MTUS2: variants seen among roughly 807,000 people sequenced by gnomAD.
The protein encoded by MTUS2 is microtubule-associated tumor suppressor candidate 2.
A neutral mutation model predicts 114.1 loss-of-function variants in MTUS2; 40 were observed. The observed-to-expected ratio is 0.35, with a 90% CI of 0.27 to 0.46. The LOEUF is 0.46. MTUS2 is among the 20% of genes least tolerant of loss of function. The probability of loss-of-function intolerance (pLI) is 1.00; values close to 1 mark genes in which losing one functional copy is unlikely to be tolerated. For synonymous variants in MTUS2, 688 were observed against 672.0 expected (o/e 1.02, Z -0.37); for missense variants, 1,679 against 1,705.4 (o/e 0.98, Z 0.27).
intron 4 of MTUS2, among the ~76,000 whole-genome samples, chr13:29,068,722 A>G (rs1888775923): frequency 6.6e-6 from 1 of 152,178 alleles, no homozygotes; most frequent in Non-Finnish European, 1.5e-5. Context: ...ATGGCAGGAA[A>G]GGAAGAAAGG....
At chr13:28,955,933 A>T (rs1883039434) in intron 2 of MTUS2, among the ~76,000 whole-genome samples, 1 of 151,538 alleles carries the variant, frequency 6.6e-6, no homozygotes, top group African/African-American at 2.4e-5. Context: ...TCCAGAAGTT[A>T]TTGGGACACA....
intron 2 of MTUS2, among the ~76,000 whole-genome samples, chr13:28,923,969 A>C (rs1474358419): frequency 6.6e-6 from 1 of 151,958 alleles, no homozygotes; most frequent in East Asian, 1.9e-4. Flanking sequence ...GGAGGTTAAT[A>C]CTTTTTCCCA....
chr13:28,917,006 C>A (rs1345218830), intron 2 of MTUS2, among the ~76,000 whole-genome samples: 3 of 151,796 alleles, frequency 2.0e-5, no homozygotes, highest in African/African-American at 7.2e-5. Flanking sequence ...AATACATATT[C>A]AGTATCAATT....
intron 11 of MTUS2, among the ~76,000 whole-genome samples, chr13:29,488,418 G>A (rs568893163): frequency 1.3e-5 from 2 of 149,422 alleles, no homozygotes; most frequent in East Asian, 2.0e-4. Flanking sequence ...CATGGAAATC[G>A]TGCACTTTTT....
chr13:28,921,939 G>A (rs927598240), intron 2 of MTUS2, among the ~76,000 whole-genome samples: 2 of 152,182 alleles, frequency 1.3e-5, no homozygotes, highest in Non-Finnish European at 2.9e-5. Context: ...AACCTGGCTG[G>A]TTGGTGTCTC....
chr13:28,988,159 T>G (rs184372107), intron 2 of MTUS2, among the ~76,000 whole-genome samples: 1 of 152,334 alleles, frequency 6.6e-6, no homozygotes, highest in East Asian at 1.9e-4. Context: ...AGAATCCATG[T>G]GTAGGGAACT....
At chr13:29,325,483 AG>A (rs1900451658) in intron 7 of MTUS2, among the ~76,000 whole-genome samples, 1 of 107,450 alleles carries the variant, frequency 9.3e-6, no homozygotes, top group South Asian at 3.1e-4. Flanking sequence ...AAAGAAGAAG[AG>A]GAAGAGGGAG....
At chr13:29,367,528 G>A (rs1870817758) in intron 8 of MTUS2, among the ~76,000 whole-genome samples, 1 of 152,136 alleles carries the variant, frequency 6.6e-6, no homozygotes, top group Non-Finnish European at 1.5e-5. Flanking sequence ...GAGATGGATG[G>A]CAGCAAGAAA....
At chr13:29,216,340 C>T (rs1007094494) in intron 5 of MTUS2, among the ~76,000 whole-genome samples, 2 of 152,190 alleles carry the variant, frequency 1.3e-5, no homozygotes, top group Admixed American at 6.5e-5. Context: ...TGAGCAAGAC[C>T]ACTTGGCTCC....
rs1168951849 is a variant in MTUS2, at chr13:29,270,629, A to AC, written c.2645-11075_2645-11074insC. Reference sequence around the variant, plus strand: ...TCATCTCTCCCTATGGGGAGGAACAATGTGGACAGGCACGTGGGGCTGGTA... The same window carrying AC: ...TCATCTCTCCCTATGGGGAGGAACAACTGTGGACAGGCACGTGGGGCTGGTA... On this transcript the variant is annotated intron_variant, in intron 5 of 15. Transcript: ENST00000612955. Among the ~76,000 whole-genome samples the AC allele has an allele frequency of 2.6e-5, 4 of 152,326 alleles. No homozygotes were observed. The East Asian group carries it at 7.7e-4, about 29-fold the overall frequency.
intron 2 of MTUS2, among the ~76,000 whole-genome samples, chr13:28,908,022 C>CGT (rs1880157266): frequency 6.6e-6 from 1 of 151,366 alleles, no homozygotes; most frequent in Non-Finnish European, 1.5e-5. Flanking sequence ...GATGTTTAAT[C>CGT]GTGTTGTGTC....
chr13:28,931,213 T>C (rs968365272), intron 2 of MTUS2, among the ~76,000 whole-genome samples: 2 of 152,196 alleles, frequency 1.3e-5, no homozygotes, highest in African/African-American at 4.8e-5. Flanking sequence ...GTGGATTCAA[T>C]CAACCACCAA....
intron 6 of MTUS2, among the ~76,000 whole-genome samples, chr13:29,290,994 A>G (rs974397658): frequency 2.6e-5 from 4 of 152,218 alleles, no homozygotes; most frequent in African/African-American, 9.6e-5. Flanking sequence ...GTCTTGTTGC[A>G]GATGGTCACA....
intron 5 of MTUS2, among the ~76,000 whole-genome samples, chr13:29,152,908 G>T (rs1892716852): frequency 2.6e-5 from 4 of 152,156 alleles, no homozygotes; most frequent in Non-Finnish European, 4.4e-5. Flanking sequence ...AATCTCAGAG[G>T]CTGTCTACCA....
chr13:29,264,130 T>C (rs1897580059), intron 5 of MTUS2, among the ~76,000 whole-genome samples: 1 of 152,198 alleles, frequency 6.6e-6, no homozygotes, highest in African/African-American at 2.4e-5. Context: ...AAGGGAGAAA[T>C]TGGCCTAAAG....
chr13:28,868,327 T>C (rs987648181), intron 2 of MTUS2, among the ~76,000 whole-genome samples: 1 of 152,242 alleles, frequency 6.6e-6, no homozygotes, highest in Non-Finnish European at 1.5e-5. Flanking sequence ...GCTCTCACCC[T>C]GAGTTATCAG....
At chr13:29,248,470 TTTTTA>T (rs2139421705) in intron 5 of MTUS2, among the ~76,000 whole-genome samples, 1 of 152,302 alleles carries the variant, frequency 6.6e-6, no homozygotes, top group Admixed American at 6.5e-5. Flanking sequence ...TTAAATATAT[TTTTTA>T]TTTTATTTTA....
chr13:29,155,166 G>A (rs1362789115), intron 5 of MTUS2, among the ~76,000 whole-genome samples: 4 of 152,194 alleles, frequency 2.6e-5, no homozygotes, highest in African/African-American at 9.7e-5. Context: ...TGATTTGAAA[G>A]GTTTACCTGT....
chr13:29,202,638 A>G (rs1207286136), intron 5 of MTUS2, among the ~76,000 whole-genome samples: 1 of 152,018 alleles, frequency 6.6e-6, no homozygotes. Flanking sequence ...CCTCATCTTC[A>G]TGGATTATCT....
Sources: allele counts gnomAD v4.1 joint callset (sites outside exome capture counted in the v4.1 genomes callset), GRCh38; gene constraint gnomAD v4.1.1; transcripts MANE v1.5; gene names NCBI Gene and HGNC (gene_info 2026-07-23, HGNC 2026-07-21).